The following EFCAB7 variants were observed in gnomAD, a reference collection of about 807,000 sequenced individuals.
The protein encoded by EFCAB7 is EF-hand calcium binding domain 7.
A neutral mutation model predicts 77.1 loss-of-function variants in EFCAB7; 66 were observed. The ratio of observed to expected loss-of-function variants is 0.86; its 90% CI spans 0.70 to 1.05. The LOEUF is 1.05. Among genes scored for constraint, EFCAB7 ranks in the 50% least tolerant of loss-of-function variants. The probability of loss-of-function intolerance (pLI) is 0.00; values close to 1 mark genes in which losing one functional copy is unlikely to be tolerated. For synonymous variants in EFCAB7, 225 were observed against 243.3 expected (o/e 0.92, Z 0.70); for missense variants, 638 against 730.5 (o/e 0.87, Z 1.46).
intron 10 of EFCAB7, 115 bp downstream of exon 10, chr1:63,557,362 C>A: frequency 9.8e-7 from 1 of 1,024,326 alleles, no homozygotes; most frequent in Non-Finnish European, 1.4e-6. Context: ...GCATTTAGGA[C>A]AGTTTGAAAG....
chr1:63,564,471 A>C (rs1647146939), intron 11 of EFCAB7, among the ~76,000 whole-genome samples: 1 of 152,148 alleles, frequency 6.6e-6, no homozygotes, highest in African/African-American at 2.4e-5. Context: ...TTGCCACAAA[A>C]AGAATAAAAC....
downstream of EFCAB7, among the ~76,000 whole-genome samples, chr1:63,577,220 A>G (rs1647451338): frequency 2.6e-5 from 4 of 152,118 alleles, no homozygotes; most frequent in South Asian, 8.3e-4. Context: ...AGACTTACAT[A>G]TGATAAAGGA....
At chr1:63,574,369 G>A (rs575767018), downstream of EFCAB7, among the ~76,000 whole-genome samples, 4 of 152,324 alleles carry the variant, frequency 2.6e-5, no homozygotes, top group South Asian at 8.3e-4. Context: ...TGTGAGACTG[G>A]AAGGAGGTAT....
chr1:63,554,311 TAG>T (rs1647002269), intron 8 of EFCAB7, among the ~76,000 whole-genome samples: 1 of 152,184 alleles, frequency 6.6e-6, no homozygotes, highest in Admixed American at 6.5e-5. Context: ...AGGAGGTACA[TAG>T]AGAGATACCA....
At chr1:63,559,357 C>G (rs1434574824) in intron 10 of EFCAB7, among the ~76,000 whole-genome samples, 2 of 149,556 alleles carry the variant, frequency 1.3e-5, no homozygotes, top group Admixed American at 6.7e-5. Flanking sequence ...TCCTCACCCA[C>G]AAGTTTTCCC....
At chr1:63,547,891 C>T (rs1646918374) in intron 7 of EFCAB7, 1 of 152,216 alleles carries the variant, frequency 6.6e-6, no homozygotes, top group African/African-American at 2.4e-5. Flanking sequence ...GGGCTCAGAA[C>T]CAGCACAATG....
At chr1:63,557,713 T>A (rs1029622685) in intron 10 of EFCAB7, among the ~76,000 whole-genome samples, 2 of 152,230 alleles carry the variant, frequency 1.3e-5, no homozygotes, top group African/African-American at 4.8e-5. Flanking sequence ...AAAGTCCATT[T>A]ATGGAAATAT....
chr1:63,570,972 G>C, intron 12 of EFCAB7, 49 bp from the exon 13 acceptor site: 4 of 1,342,240 alleles, frequency 3.0e-6, no homozygotes, highest in Middle Eastern at 2.3e-4. Flanking sequence ...ATATTTGTCT[G>C]TAATTATTAA....
chr1:63,570,599 T>G (rs1283319850), intron 12 of EFCAB7: 2 of 152,854 alleles, frequency 1.3e-5, no homozygotes. Context: ...AATAAATATA[T>G]TTGTTTATAT....
chr1:63,572,793 A>G (rs1647304647), downstream of EFCAB7: 1 of 526,408 alleles, frequency 1.9e-6, no homozygotes, highest in Non-Finnish European at 2.5e-6. Context: ...TGAGTCCGAA[A>G]AGAGAGTCAG....
At chr1:63,532,795 T>C in intron 4 of EFCAB7, 39 bp downstream of exon 4, 1 of 1,513,192 alleles carries the variant, frequency 6.6e-7, no homozygotes, top group South Asian at 1.2e-5. Flanking sequence ...ACATACTGTG[T>C]TGGAAAAGTG....
chr1:63,566,691 T>C (rs943063781), intron 11 of EFCAB7, among the ~76,000 whole-genome samples: 1 of 151,802 alleles, frequency 6.6e-6, no homozygotes, highest in African/African-American at 2.4e-5. Flanking sequence ...GCCATACTCA[T>C]AATTATTATA....
chr1:63,581,913 T>C, the EFCAB7 span, among the ~76,000 whole-genome samples: 1 of 152,222 alleles, frequency 6.6e-6, no homozygotes, highest in African/African-American at 2.4e-5. Context: ...AAACACAGAC[T>C]ACACATGGTG....
intron 11 of EFCAB7, among the ~76,000 whole-genome samples, chr1:63,562,266 G>C (rs1405003892): frequency 2.0e-5 from 3 of 151,246 alleles, no homozygotes; most frequent in African/African-American, 7.3e-5. Flanking sequence ...TTTTATAAAG[G>C]GTACTTTTGG....
intron 6 of EFCAB7, among the ~76,000 whole-genome samples, chr1:63,542,545 T>G (rs1023728855): frequency 1.3e-5 from 2 of 152,220 alleles, no homozygotes; most frequent in Non-Finnish European, 2.9e-5. Flanking sequence ...TTCACAATGC[T>G]TCACCATTTT....
the EFCAB7 span, among the ~76,000 whole-genome samples, chr1:63,579,137 T>C: frequency 2.0e-5 from 3 of 152,224 alleles, no homozygotes; most frequent in African/African-American, 7.2e-5. Context: ...TAGATTCATA[T>C]AACCACCACC....
At chr1:63,578,212 G>C in the EFCAB7 span, among the ~76,000 whole-genome samples, 2 of 152,026 alleles carry the variant, frequency 1.3e-5, no homozygotes, top group East Asian at 3.9e-4. Flanking sequence ...AAAATTTAAG[G>C]TATTTTCTAA....
chr1:63,559,701 T>C (rs1647072230), intron 10 of EFCAB7, among the ~76,000 whole-genome samples: 1 of 152,096 alleles, frequency 6.6e-6, no homozygotes, highest in Admixed American at 6.6e-5. Context: ...GAGGGTTCAC[T>C]CTTGTCTTGT....
chr1:63,549,185 T>C (rs369176691), intron 7 of EFCAB7: 6 of 296,430 alleles, frequency 2.0e-5, no homozygotes, highest in East Asian at 1.1e-4. Context: ...ACTTCTTTGA[T>C]TGAATACTCA....
Sources: allele counts gnomAD v4.1 joint callset (sites outside exome capture counted in the v4.1 genomes callset), GRCh38; gene constraint gnomAD v4.1.1; transcripts MANE v1.5; gene names NCBI Gene and HGNC (gene_info 2026-07-23, HGNC 2026-07-21).